Variants in PYGO1 observed in about 807,000 individuals in gnomAD.
PYGO1 encodes pygopus family PHD finger 1, also known as pygopus homolog 1.
A neutral mutation model predicts 29.5 loss-of-function variants in PYGO1; 6 were observed. The ratio of observed to expected loss-of-function variants is 0.20; its 90% CI spans 0.11 to 0.40. The LOEUF is 0.40. PYGO1 is among the 10% of genes least tolerant of loss of function. The pLI is 1.00. For synonymous variants in PYGO1, 186 were observed against 180.5 expected (o/e 1.03, Z -0.24); for missense variants, 515 against 514.9 (o/e 1.00, Z 0.00).
rs1192651139 is a variant in PYGO1 at position 55,588,129 on chromosome 15, AGCGCGGCCTGGGG to A, written c.-259_-247del. 1 of 823,032 alleles carries A rather than the reference AGCGCGGCCTGGGG, an allele frequency of 1.2e-6. No homozygotes were observed. Among genetic ancestry groups the A allele is most frequent in the East Asian group, 1.3e-4 (1 of 7,794 alleles). 51.0% of individuals were successfully genotyped at this position (823,032 alleles called of 1,614,324 possible). ...GCGGGGCTCAGCGGCGGTGGCCGGG[AGCGCGGCCTGGGG>A]GCGGCCCCCCACCCGGGGCCGGCAT... On this transcript the variant is annotated 5_prime_UTR_variant, in exon 1 of 3. It removes the in-frame stop codon of an upstream open reading frame in the 5' UTR. Transcript: ENST00000563719.
rs1296383803 is a variant in PYGO1 at position 55,584,321 on chromosome 15, G to C, written c.49+3514C>G. 2.6e-5 allele frequency among the ~76,000 whole-genome samples: 4 copies of C among 151,972 alleles called. No individual in the cohort carries two copies. The South Asian group carries it at 6.2e-4, about 24-fold the overall frequency. On this transcript the variant is annotated intron_variant, in intron 1 of 2. Transcript: ENST00000563719. ...TTTAGTAGAGACAGGTTGTCGTCCAGGCTGTTCTTAAACTCCTGGAGTCAA... is the reference window on the plus strand; with the variant it reads ...TTTAGTAGAGACAGGTTGTCGTCCACGCTGTTCTTAAACTCCTGGAGTCAA...
At position 55,541,703 on chromosome 15, in the gene PYGO1, C is replaced by T. The variant is rs1595977523; in HGVS notation, c.*4320G>A. ...ATAAAATGTTGAAGCACAGAGCACC[C>T]AGGAGAGGAAAAGCCAAGGCTGCTT... On this transcript the variant is annotated 3_prime_UTR_variant, in exon 3 of 3. Coordinates refer to ENST00000563719, the MANE Select transcript of PYGO1 (RefSeq NM_001367806.1). 6.6e-6 allele frequency: 1 copy of T among 152,278 alleles called. No homozygotes were observed. Among genetic ancestry groups the T allele is most frequent in the African/African-American group, 2.4e-5 (1 of 41,556 alleles). 9.4% of individuals were successfully genotyped at this position (152,278 alleles called of 1,614,324 possible).
chr15:55,584,636 A>G (rs2059039222), intron 1 of PYGO1, among the ~76,000 whole-genome samples: 1 of 152,228 alleles, frequency 6.6e-6, no homozygotes, highest in Non-Finnish European at 1.5e-5. Context: ...AGAAAGCAGC[A>G]TAATTCATGT....
chr15:55,560,230 T>C (rs2058927160), intron 1 of PYGO1, among the ~76,000 whole-genome samples: 1 of 152,150 alleles, frequency 6.6e-6, no homozygotes, highest in Admixed American at 6.6e-5. Context: ...AATAGGATGA[T>C]AATAAGTCAA....
chr15:55,554,597 AC>A (rs1386302594), intron 1 of PYGO1, among the ~76,000 whole-genome samples: 1 of 152,152 alleles, frequency 6.6e-6, no homozygotes, highest in African/African-American at 2.4e-5. Flanking sequence ...GCATGCTGTA[AC>A]CCAATGCAAA....
Position 55,558,579 on chromosome 15 carries a change from G to A in PYGO1, c.50-9584C>T, listed in dbSNP as rs541067268. ...AAAAGAACAAAGCTGGAGGAATCAT[G>A]CTACCTGGCTTCAAACTACACTACA... On this transcript the variant is annotated intron_variant, in intron 1 of 2. Coordinates refer to ENST00000563719, the MANE Select transcript of PYGO1 (RefSeq NM_001367806.1). 5.3e-4 allele frequency among the ~76,000 whole-genome samples: 81 copies of A among 152,140 alleles called. 1 individual carries two copies. Among genetic ancestry groups the A allele is most frequent in the Admixed American group, 4.8e-3 (74 of 15,278 alleles).
chr15:55,554,320 T>A (rs1396557142), intron 1 of PYGO1, among the ~76,000 whole-genome samples: 1 of 151,496 alleles, frequency 6.6e-6, no homozygotes, highest in African/African-American at 2.4e-5. Flanking sequence ...TTTAAAAAAA[T>A]TATCAGGGTG....
At position 55,543,569 on chromosome 15, in the gene PYGO1, T is replaced by A. The variant is rs1025364502; in HGVS notation, c.*2454A>T. On this transcript the variant is annotated 3_prime_UTR_variant, in exon 3 of 3. Coordinates refer to ENST00000563719, the MANE Select transcript of PYGO1 (RefSeq NM_001367806.1). ...ATGTGGAAATAGAAAATGAATTATA[T>A]TGCATAACACATACCTTTAGACTAG... The A allele has an allele frequency of 6.6e-5, 10 of 152,224 alleles. No individual in the cohort carries two copies. The highest frequency in any genetic ancestry group is 1.3e-4 in the Non-Finnish European group (9 of 68,036). The allele number at this position is 152,224 out of a possible 1,614,324, so 9.4% of individuals were successfully genotyped here.
At chr15:55,547,712 T>C (rs893383525) in intron 2 of PYGO1, among the ~76,000 whole-genome samples, 1 of 152,184 alleles carries the variant, frequency 6.6e-6, no homozygotes, top group Non-Finnish European at 1.5e-5. Context: ...GTCAAAATGA[T>C]AAAAAGATCA....
intron 1 of PYGO1, among the ~76,000 whole-genome samples, chr15:55,582,388 T>G (rs145811879): frequency 7.9e-5 from 12 of 151,998 alleles, no homozygotes; most frequent in African/African-American, 2.9e-4. Flanking sequence ...CAAAATTCAT[T>G]TATCTACCCC....
intron 1 of PYGO1, among the ~76,000 whole-genome samples, chr15:55,563,430 A>T (rs1280154762): frequency 6.7e-6 from 1 of 149,080 alleles, no homozygotes; most frequent in South Asian, 2.1e-4. Flanking sequence ...GCAGTGGCAC[A>T]ATCTTGGCTC....
chr15:55,579,711 T>A (rs1433104387), intron 1 of PYGO1, among the ~76,000 whole-genome samples: 2 of 152,184 alleles, frequency 1.3e-5, no homozygotes, highest in Non-Finnish European at 2.9e-5. Flanking sequence ...TGAACAGACA[T>A]AATATTACAA....
At chr15:55,561,955 G>A (rs2058934603) in intron 1 of PYGO1, among the ~76,000 whole-genome samples, 1 of 152,002 alleles carries the variant, frequency 6.6e-6, no homozygotes, top group African/African-American at 2.4e-5. Context: ...TTCTGACAAA[G>A]GTCTAATATC....
At chr15:55,570,044 G>A (rs1244235557) in intron 1 of PYGO1, among the ~76,000 whole-genome samples, 2 of 152,140 alleles carry the variant, frequency 1.3e-5, no homozygotes, top group Admixed American at 6.5e-5. Flanking sequence ...AGAAACAAAG[G>A]GCTTTCCCTC....
intron 1 of PYGO1, among the ~76,000 whole-genome samples, chr15:55,554,096 C>T (rs180681046): frequency 4.6e-5 from 7 of 152,176 alleles, no homozygotes; most frequent in African/African-American, 7.2e-5. Context: ...AACACAAAAA[C>T]GCTTAAAACT....
chr15:55,557,263 G>A (rs898463914), intron 1 of PYGO1, among the ~76,000 whole-genome samples: 9 of 151,996 alleles, frequency 5.9e-5, no homozygotes, highest in Non-Finnish European at 7.4e-5. Context: ...TAAATTCCTC[G>A]ACACATACAC....
At chr15:55,560,246 CTTTG>C (rs1458886850) in intron 1 of PYGO1, among the ~76,000 whole-genome samples, 6 of 152,118 alleles carry the variant, frequency 3.9e-5, no homozygotes, top group South Asian at 4.1e-4. Flanking sequence ...GTCAAATTAT[CTTTG>C]TTTGTAGATG....
intron 1 of PYGO1, among the ~76,000 whole-genome samples, chr15:55,555,394 A>G (rs2058899766): frequency 6.6e-6 from 1 of 151,976 alleles, no homozygotes; most frequent in African/African-American, 2.4e-5. Flanking sequence ...GTTGCCAGCC[A>G]GTACAAAAGC....
At chr15:55,585,758 C>G (rs1177538417) in intron 1 of PYGO1, among the ~76,000 whole-genome samples, 1 of 152,150 alleles carries the variant, frequency 6.6e-6, no homozygotes, top group African/African-American at 2.4e-5. Context: ...TTGATTAGGA[C>G]TGATAATTCA....
Sources: allele counts gnomAD v4.1 joint callset (sites outside exome capture counted in the v4.1 genomes callset), GRCh38; gene constraint gnomAD v4.1.1; transcripts MANE v1.5; gene names NCBI Gene and HGNC (gene_info 2026-07-23, HGNC 2026-07-21).